CRTC1: variants seen among roughly 807,000 people sequenced by gnomAD.
The protein encoded by CRTC1 is CREB-regulated transcription coactivator 1.
A neutral mutation model predicts 66.1 loss-of-function variants in CRTC1; 18 were observed. The ratio of observed to expected loss-of-function variants is 0.27; its 90% CI spans 0.19 to 0.40. The LOEUF (loss-of-function observed/expected upper bound fraction) is 0.40. Among genes scored for constraint, CRTC1 ranks in the 10% least tolerant of loss-of-function variants. The pLI, the probability that CRTC1 is intolerant of heterozygous loss-of-function variation, is 1.00. For missense variants in CRTC1, 669 were observed against 887.9 expected (o/e 0.75, Z 3.13); for synonymous variants, 416 against 398.8 (o/e 1.04, Z -0.51).
Position 18,777,295 on chromosome 19 carries a change from C to A in CRTC1, c.1818C>A (p.Thr606=). 18 of 1,612,254 alleles carry A rather than the reference C, an allele frequency of 1.1e-5. No individual in the cohort carries two copies. The highest frequency in any genetic ancestry group is 1.5e-5 in the Non-Finnish European group (18 of 1,179,988). ...ACGAACTCAAGATCGACCCCCTGAC[C>A]CTCGACGGACTGCACATGCTCAACG... is the stretch of plus-strand genomic sequence containing the variant. ...PLDELKIDPL[T]LDGLHMLNDP... Residue 606 remains threonine (T), a synonymous_variant, in exon 14 of 14, where the codon ACC becomes ACA. Transcript: ENST00000321949. This position sits in a 1 kb window ranked among gnomAD's most constrained non-coding sequence, Gnocchi z 5.5.
chr19:18,747,715 C>G (rs1276083018), intron 4 of CRTC1, among the ~76,000 whole-genome samples: 1 of 152,136 alleles, frequency 6.6e-6, no homozygotes, highest in Non-Finnish European at 1.5e-5. Flanking sequence ...AGAGCAGGTA[C>G]CCATGTTACT....
At chr19:18,751,483 A>G (rs2054362223) in intron 5 of CRTC1, among the ~76,000 whole-genome samples, 1 of 152,042 alleles carries the variant, frequency 6.6e-6, no homozygotes. Context: ...AGCCAAGATC[A>G]CGCCACTGCA....
chr19:18,724,754 T>G (rs995096911), intron 1 of CRTC1, among the ~76,000 whole-genome samples: 1 of 98,996 alleles, frequency 1.0e-5, no homozygotes, highest in African/African-American at 4.0e-5. Flanking sequence ...GGATGATTTC[T>G]TCATCCCAAG....
intron 1 of CRTC1, among the ~76,000 whole-genome samples, chr19:18,733,466 G>A (rs2053933336): frequency 6.6e-6 from 1 of 152,236 alleles, no homozygotes; most frequent in Non-Finnish European, 1.5e-5. Context: ...AAGGCATTCC[G>A]AGGCAGGCCT....
At chr19:18,729,312 G>A (rs1429050487) in intron 1 of CRTC1, among the ~76,000 whole-genome samples, 1 of 151,346 alleles carries the variant, frequency 6.6e-6, no homozygotes, top group African/African-American at 2.4e-5. Context: ...TGTAGTCCCA[G>A]CTACTCAGGG....
At chr19:18,729,040 T>TGACCTCAGGTGATCCACCTCCC (rs1300814732) in intron 1 of CRTC1, among the ~76,000 whole-genome samples, 2 of 149,810 alleles carry the variant, frequency 1.3e-5, no homozygotes, top group Non-Finnish European at 3.0e-5. Context: ...CTCGAACTCC[T>TGACCTCAGGTGATCCACCTCCC]GACCTCAGGT....
At chr19:18,700,488 T>G (rs2053108116) in intron 1 of CRTC1, among the ~76,000 whole-genome samples, 1 of 151,448 alleles carries the variant, frequency 6.6e-6, no homozygotes, top group South Asian at 2.1e-4. Context: ...AGAAGCTCTC[T>G]GCCACACTTT....
At chr19:18,740,016 G>A (rs1293723778) in intron 1 of CRTC1, among the ~76,000 whole-genome samples, 2 of 152,160 alleles carry the variant, frequency 1.3e-5, no homozygotes, top group African/African-American at 2.4e-5. Flanking sequence ...ATTTTCGGAG[G>A]CTGAGGCGGG....
chr19:18,732,980 G>A (rs913054662), intron 1 of CRTC1, among the ~76,000 whole-genome samples: 6 of 151,786 alleles, frequency 4.0e-5, no homozygotes, highest in South Asian at 2.1e-4. Flanking sequence ...CCAACTACTC[G>A]GGAGGCTGAG....
At chr19:18,722,009 A>G (rs989113886) in intron 1 of CRTC1, among the ~76,000 whole-genome samples, 5 of 152,164 alleles carry the variant, frequency 3.3e-5, no homozygotes, top group African/African-American at 1.2e-4. Flanking sequence ...GGGAGTACCT[A>G]GGTCACCGTG....
Position 18,777,131 on chromosome 19 carries a change from AG to A in CRTC1, c.1694-37del. ...ACACATGGATGCGAGCGATGGAGCC[AG>A]GGCTAAGCAGTGCCTTTTGTCCCCA... On this transcript the variant is annotated intron_variant, in intron 13 of 13. Transcript: ENST00000321949. The surrounding 1 kb of genome is among the most constrained non-coding windows in gnomAD (Gnocchi z 5.5). 3 of 1,141,752 alleles carry A rather than the reference AG, an allele frequency of 2.6e-6. No homozygotes were observed. The highest frequency in any genetic ancestry group is 2.6e-6 in the Non-Finnish European group (2 of 762,004). 70.7% of individuals were successfully genotyped at this position (1,141,752 alleles called of 1,614,324 possible).
chr19:18,716,079 C>T (rs1175288179), intron 1 of CRTC1, among the ~76,000 whole-genome samples: 1 of 152,090 alleles, frequency 6.6e-6, no homozygotes, highest in Admixed American at 6.5e-5. Context: ...CTCCGGGATT[C>T]CCAGAGTCAC....
Position 18,729,766 on chromosome 19 carries a change from A to G in CRTC1, c.127-13144A>G, listed in dbSNP as rs76364037. Among the ~76,000 whole-genome samples, 666 of 152,160 alleles carry G rather than the reference A, an allele frequency of 4.4e-3. 10 individuals are homozygous for G. Among genetic ancestry groups the G allele is most frequent in the African/African-American group, 0.015 (629 of 41,484 alleles). ...TAAAAGAATAATAATAATAATAATA[A>G]GTTGGTTCAGTTTCATTTGCTTGGA... On this transcript the variant is annotated intron_variant, in intron 1 of 13. Coordinates refer to ENST00000321949, the MANE Select transcript of CRTC1 (RefSeq NM_015321.3).
intron 1 of CRTC1, among the ~76,000 whole-genome samples, chr19:18,716,257 CTT>C (rs1216463325): frequency 4.2e-5 from 6 of 144,134 alleles, no homozygotes; most frequent in Admixed American, 2.1e-4. Context: ...CCGAATGACT[CTT>C]TTTTTTTTTT....
chr19:18,763,586 G>A (rs982885865), intron 8 of CRTC1, among the ~76,000 whole-genome samples: 8 of 152,312 alleles, frequency 5.3e-5, no homozygotes, highest in Middle Eastern at 3.4e-3. Flanking sequence ...GTTAAGTGAT[G>A]CTTGACTGTA....
chr19:18,708,108 G>A (rs1264292383), intron 1 of CRTC1, among the ~76,000 whole-genome samples: 1 of 152,218 alleles, frequency 6.6e-6, no homozygotes, highest in Admixed American at 6.5e-5. Context: ...CAAGAGGTGG[G>A]TAGGGAAGGG....
At chr19:18,717,703 A>G (rs1555778950) in intron 1 of CRTC1, among the ~76,000 whole-genome samples, 2 of 151,726 alleles carry the variant, frequency 1.3e-5, no homozygotes, top group Non-Finnish European at 2.9e-5. Flanking sequence ...AGGAGGGTGC[A>G]GGGTTCCGGG....
At chr19:18,744,181 G>A (rs373531190) in intron 2 of CRTC1, 43 of 1,606,976 alleles carry the variant, frequency 2.7e-5, no homozygotes, top group East Asian at 6.7e-5. Context: ...GGCTGAGGCC[G>A]CGGCGTCCCC....
chr19:18,694,455 C>A (rs1021290202), intron 1 of CRTC1, among the ~76,000 whole-genome samples: 1 of 152,072 alleles, frequency 6.6e-6, no homozygotes, highest in Admixed American at 6.6e-5. Context: ...TTTTTTGTGG[C>A]TGCTTTTGTG....
Sources: allele counts gnomAD v4.1 joint callset (sites outside exome capture counted in the v4.1 genomes callset), GRCh38; gene constraint gnomAD v4.1.1; non-coding constraint Gnocchi (gnomAD v3.1); transcripts MANE v1.5; gene names NCBI Gene and HGNC (gene_info 2026-07-23, HGNC 2026-07-21).